ACYP2: variants seen among roughly 807,000 people sequenced by gnomAD.
The protein encoded by ACYP2 is acylphosphatase-2.
In ACYP2, 12 loss-of-function variants were observed where a neutral mutation model predicts 11.2. The ratio of observed to expected loss-of-function variants is 1.08; its 90% CI spans 0.69 to 1.74. The LOEUF is 1.74. Ranked by LOEUF, ACYP2 falls within the 40% of genes most tolerant of loss-of-function variation. ACYP2 has a pLI of 0.00. For synonymous variants in ACYP2, 43 were observed against 32.2 expected, an observed-to-expected ratio of 1.33 and a Z score of -1.13; for missense variants, 134 against 101.9, an observed-to-expected ratio of 1.31 and a Z score of -1.35.
chr2:54,096,706 G>A (rs868847990), intron 4 of ACYP2, among the ~76,000 whole-genome samples: 12 of 152,148 alleles, frequency 7.9e-5, no homozygotes, highest in East Asian at 1.9e-4. Context: ...GGCGGCGCGC[G>A]CCTGCAATCA....
chr2:54,015,441 G>A (rs1029546089), intron 2 of ACYP2, among the ~76,000 whole-genome samples: 3 of 152,018 alleles, frequency 2.0e-5, no homozygotes, highest in Non-Finnish European at 4.4e-5. Flanking sequence ...CTGGGAGACA[G>A]AGGTTGCGGT....
At chr2:54,059,851 T>A (rs1676372755) in intron 4 of ACYP2, among the ~76,000 whole-genome samples, 1 of 152,222 alleles carries the variant, frequency 6.6e-6, no homozygotes, top group Non-Finnish European at 1.5e-5. Flanking sequence ...AGGATGAAAA[T>A]AACTTCCTGT....
rs999364859 is a variant in ACYP2, at chr2:54,177,601, G to A, written c.404+38853G>A. The stretch of plus-strand genomic sequence containing the variant: ...ATTTTTTTTTTTTTTTTCTGGAAAC[G>A]GAGTCTCACTCTGTCACCCAGGCTG... On this transcript the variant is annotated intron_variant, in intron 6 of 6. Coordinates refer to ENST00000607452, the MANE Select transcript of ACYP2 (RefSeq NM_001320586.2). Among the ~76,000 whole-genome samples, 6 of 117,450 alleles carry A rather than the reference G, an allele frequency of 5.1e-5. No homozygotes were observed. The East Asian group carries it at 6.0e-4, about 12-fold the overall frequency. 77.1% of individuals were successfully genotyped at this position (117,450 alleles called of 152,430 possible). A position where few individuals can be genotyped will look rare whatever the true frequency, so the allele number is the denominator to read the frequency against.
chr2:53,972,015 G>C (rs1020123073), intron 1 of ACYP2, among the ~76,000 whole-genome samples: 6 of 152,214 alleles, frequency 3.9e-5, no homozygotes, highest in Non-Finnish European at 5.9e-5. Flanking sequence ...CATTTTTTAA[G>C]AATTACTCTG....
In ACYP2 at chr2:54,135,599, A is replaced by G. The variant is rs886532625; in HGVS notation, c.294+130A>G. The G allele has an allele frequency of 2.8e-5, 18 of 643,144 alleles. No homozygotes were observed. In the African/African-American group the frequency reaches 3.0e-4, roughly 11 times the overall value. The allele number at this position is 643,144 out of a possible 1,614,324, so 39.8% of individuals were successfully genotyped here. A position where few individuals can be genotyped will look rare whatever the true frequency, so the allele number is the denominator to read the frequency against. ...CCTGTCCTTGACAGCAAATGAAGAA[A>G]TATATGTATTTCTTTGAAATTACTG... On this transcript the variant is annotated intron_variant, in intron 5 of 6. Coordinates refer to ENST00000607452, the MANE Select transcript of ACYP2 (RefSeq NM_001320586.2).
chr2:54,290,536 G>A (rs1689258653), intron 6 of ACYP2, among the ~76,000 whole-genome samples: 1 of 150,074 alleles, frequency 6.7e-6, no homozygotes, highest in Non-Finnish European at 1.5e-5. Flanking sequence ...ATTTAAAAGT[G>A]AAAAGGGATT....
chr2:54,022,456 A>G (rs1674055915), intron 2 of ACYP2, among the ~76,000 whole-genome samples: 1 of 152,066 alleles, frequency 6.6e-6, no homozygotes, highest in African/African-American at 2.4e-5. Context: ...ATAGCAGCTC[A>G]CTGCAGCCTT....
At chr2:54,276,825 T>C (rs1276156333) in intron 6 of ACYP2, among the ~76,000 whole-genome samples, 2 of 152,208 alleles carry the variant, frequency 1.3e-5, no homozygotes, top group Non-Finnish European at 2.9e-5. Flanking sequence ...TATTATCCCT[T>C]TGATGCACAT....
At position 54,252,486 on chromosome 2, in the gene ACYP2, T is replaced by C. The variant is rs534229578; in HGVS notation, c.405-52202T>C. 7.9e-5 allele frequency among the ~76,000 whole-genome samples: 12 copies of C among 152,198 alleles called. 1 individual carries two copies. Among genetic ancestry groups the C allele is most frequent in the Middle Eastern group, 6.3e-3 (2 of 316 alleles). On this transcript the variant is annotated intron_variant, in intron 6 of 6. Coordinates refer to ENST00000607452, the MANE Select transcript of ACYP2 (RefSeq NM_001320586.2). ...ACTTTCTAAAGTATCTGTACAAAGC[T>C]GCTCTCCCATAAACAGTATATGGGC...
At chr2:54,302,280 G>A (rs1030722002) in intron 6 of ACYP2, among the ~76,000 whole-genome samples, 2 of 152,162 alleles carry the variant, frequency 1.3e-5, no homozygotes, top group Non-Finnish European at 1.5e-5. Context: ...CAAAGTCACA[G>A]GTGACATCGA....
intron 6 of ACYP2, among the ~76,000 whole-genome samples, chr2:54,269,361 A>C (rs1688178559): frequency 6.6e-6 from 1 of 152,254 alleles, no homozygotes; most frequent in Non-Finnish European, 1.5e-5. Context: ...TACAAGAAAT[A>C]AATTCACAGT....
intron 6 of ACYP2, among the ~76,000 whole-genome samples, chr2:54,289,083 G>T (rs1350724967): frequency 1.3e-5 from 2 of 151,952 alleles, no homozygotes; most frequent in African/African-American, 4.8e-5. Flanking sequence ...ATATAATGAA[G>T]TTAAATTACA....
intron 6 of ACYP2, among the ~76,000 whole-genome samples, chr2:54,229,964 G>T (rs985933275): frequency 5.3e-5 from 8 of 152,138 alleles, no homozygotes; most frequent in Non-Finnish European, 1.0e-4. Flanking sequence ...TACCTTAGGG[G>T]TCTAGGGAGT....
At chr2:54,124,872 A>G (rs568628372) in intron 4 of ACYP2, among the ~76,000 whole-genome samples, 1 of 152,050 alleles carries the variant, frequency 6.6e-6, no homozygotes, top group African/African-American at 2.4e-5. Context: ...GCTATCTAAG[A>G]CGCATGTGCT....
intron 2 of ACYP2, among the ~76,000 whole-genome samples, chr2:54,018,625 C>A (rs867643498): frequency 1.3e-5 from 2 of 152,074 alleles, no homozygotes; most frequent in African/African-American, 4.8e-5. Flanking sequence ...ACAATCTGGA[C>A]AACATAGCGG....
Position 54,051,047 on chromosome 2 carries a change from A to G in ACYP2, c.152A>G (p.Tyr51Cys), listed in dbSNP as rs1171022379. ...CTCGGCCTCCCATGCTGTTGGGATT[A>G]CAGGTGAGAACCACCGTCCTTGGTC... Residue 51 changes from tyrosine (Y) to cysteine (C), a missense_variant, in exon 3 of 7, where the codon TAC becomes TGC. By Grantham distance (194) the Tyr-to-Cys change is radical (BLOSUM62 -2). Coordinates refer to ENST00000607452, the MANE Select transcript of ACYP2 (RefSeq NM_001320586.2). 2.0e-6 allele frequency: 1 copy of G among 492,440 alleles called. No individual in the cohort carries two copies. The highest frequency in any genetic ancestry group is 3.6e-6 in the Non-Finnish European group (1 of 281,636). 30.5% of individuals were successfully genotyped at this position (492,440 alleles called of 1,614,324 possible). A position where few individuals can be genotyped will look rare whatever the true frequency, so the allele number is the denominator to read the frequency against.
intron 4 of ACYP2, 62 bp downstream of exon 1, chr2:54,115,818 G>C (rs2287641): frequency 2.7e-6 from 4 of 1,482,432 alleles, no homozygotes; most frequent in Admixed American, 2.4e-5. Flanking sequence ...AGAAAGCTGT[G>C]AGAAGCGCCT....
At chr2:54,053,450 A>G (rs903407119) in intron 3 of ACYP2, among the ~76,000 whole-genome samples, 1 of 152,070 alleles carries the variant, frequency 6.6e-6, no homozygotes, top group Admixed American at 6.6e-5. Context: ...CCCACCCATC[A>G]AGTTCAGCTT....
intron 2 of ACYP2, among the ~76,000 whole-genome samples, chr2:54,032,701 A>G (rs1212256334): frequency 6.6e-6 from 1 of 152,186 alleles, no homozygotes; most frequent in Non-Finnish European, 1.5e-5. Context: ...CATTGAATCT[A>G]TAAATTACTC....
Sources: allele counts gnomAD v4.1 joint callset (sites outside exome capture counted in the v4.1 genomes callset), GRCh38; gene constraint gnomAD v4.1.1; transcripts MANE v1.5; gene names NCBI Gene and HGNC (gene_info 2026-07-23, HGNC 2026-07-21).